The following PYGO1 variants were observed in gnomAD, a reference collection of about 807,000 sequenced individuals.
The protein encoded by PYGO1 is pygopus homolog 1.
In PYGO1, 6 loss-of-function variants were observed where a neutral mutation model predicts 29.5. The observed-to-expected ratio is 0.20, with a 90% confidence interval of 0.11 to 0.40. The LOEUF is 0.40. Ranked by LOEUF, PYGO1 falls within the 10% of genes least tolerant of loss-of-function variation. PYGO1 has a pLI of 1.00. For missense variants in PYGO1, 515 were observed against 514.9 expected, an observed-to-expected ratio of 1.00 and a Z score of 0.00; for synonymous variants, 186 against 180.5, an observed-to-expected ratio of 1.03 and a Z score of -0.24.
chr15:55,562,964 CG>C (rs1567054995), intron 1 of PYGO1, among the ~76,000 whole-genome samples: 1 of 151,610 alleles, frequency 6.6e-6, no homozygotes, highest in African/African-American at 2.4e-5. Context: ...GGACACATTG[CG>C]GGGAACAACA....
At chr15:55,554,123 C>T (rs1449339546) in intron 1 of PYGO1, among the ~76,000 whole-genome samples, 1 of 152,108 alleles carries the variant, frequency 6.6e-6, no homozygotes, top group Non-Finnish European at 1.5e-5. Flanking sequence ...AACAGAGTGC[C>T]TCTTCTCCTC....
intron 1 of PYGO1, among the ~76,000 whole-genome samples, chr15:55,574,223 T>G (rs2058991926): frequency 2.0e-5 from 3 of 152,336 alleles, no homozygotes; most frequent in Admixed American, 2.0e-4. Flanking sequence ...TAGAGATGAT[T>G]AGCACCATGT....
chr15:55,571,941 G>A (rs2058982040), intron 1 of PYGO1, among the ~76,000 whole-genome samples: 2 of 152,034 alleles, frequency 1.3e-5, no homozygotes, highest in African/African-American at 4.8e-5. Context: ...GCCACAACAG[G>A]GAATACTATT....
chr15:55,550,845 A>C (rs1356469212), intron 1 of PYGO1, among the ~76,000 whole-genome samples: 1 of 152,136 alleles, frequency 6.6e-6, no homozygotes, highest in Non-Finnish European at 1.5e-5. Context: ...CTTATTTCCT[A>C]TAAATTGATA....
chr15:55,576,021 G>C (rs1290027263), intron 1 of PYGO1, among the ~76,000 whole-genome samples: 2 of 152,092 alleles, frequency 1.3e-5, no homozygotes, highest in East Asian at 1.9e-4. Flanking sequence ...ATCTCTGTTA[G>C]CAATACTTTA....
At chr15:55,562,420 C>CCACTTTGCTCCCAAATGCT (rs2058936736) in intron 1 of PYGO1, among the ~76,000 whole-genome samples, 1 of 152,106 alleles carries the variant, frequency 6.6e-6, no homozygotes, top group Admixed American at 6.6e-5. Flanking sequence ...GCCTGTAATC[C>CCACTTTGCTCCCAAATGCT]CAGCACTTTG....
chr15:55,578,259 G>A (rs761125216), intron 1 of PYGO1, among the ~76,000 whole-genome samples: 3 of 151,534 alleles, frequency 2.0e-5, no homozygotes, highest in African/African-American at 7.3e-5. Context: ...TGGACATTTC[G>A]GTTATTTCCA....
intron 1 of PYGO1, among the ~76,000 whole-genome samples, chr15:55,553,163 C>T (rs751502249): frequency 7.9e-5 from 12 of 152,062 alleles, no homozygotes; most frequent in Non-Finnish European, 1.8e-4. Flanking sequence ...GACCCTGATC[C>T]ATCACTTCTC....
At chr15:55,558,382 G>A (rs2058916803) in intron 1 of PYGO1, among the ~76,000 whole-genome samples, 2 of 151,890 alleles carry the variant, frequency 1.3e-5, no homozygotes, top group South Asian at 4.2e-4. Flanking sequence ...CCATGCTCAT[G>A]GATAGGAAGA....
At chr15:55,555,955 A>G (rs1336209626) in intron 1 of PYGO1, among the ~76,000 whole-genome samples, 1 of 152,194 alleles carries the variant, frequency 6.6e-6, no homozygotes. Flanking sequence ...AGAATAGCTA[A>G]CTATCCTAAA....
At chr15:55,560,606 A>G (rs1391400888) in intron 1 of PYGO1, among the ~76,000 whole-genome samples, 2 of 152,234 alleles carry the variant, frequency 1.3e-5, no homozygotes, top group African/African-American at 4.8e-5. Context: ...CATACTGCCC[A>G]AAGTAATTTA....
In PYGO1 at chr15:55,545,920, TTTG is replaced by T; in HGVS notation, c.*100_*102del. 1 of 1,269,730 alleles carries T rather than the reference TTTG, an allele frequency of 7.9e-7. No homozygotes were observed. Among genetic ancestry groups the T allele is most frequent in the Non-Finnish European group, 1.1e-6 (1 of 925,032 alleles). 78.7% of individuals were successfully genotyped at this position (1,269,730 alleles called of 1,614,324 possible). On this transcript the variant is annotated 3_prime_UTR_variant, in exon 3 of 3. Transcript: ENST00000563719. Reference sequence around the variant, plus strand: ...TAATAAAAACTAAGTAAATAATGTTTTTGTGTATGCATTTAAAAAAATAATGTA... The same window carrying T: ...TAATAAAAACTAAGTAAATAATGTTTTGTATGCATTTAAAAAAATAATGTA...
chr15:55,559,056 A>C (rs1362963635), intron 1 of PYGO1, among the ~76,000 whole-genome samples: 1 of 152,178 alleles, frequency 6.6e-6, no homozygotes, highest in Admixed American at 6.5e-5. Flanking sequence ...CAACCTACAG[A>C]ATGGGAGAAA....
intron 1 of PYGO1, among the ~76,000 whole-genome samples, chr15:55,565,708 C>T (rs950432743): frequency 2.6e-5 from 4 of 151,870 alleles, no homozygotes; most frequent in South Asian, 2.1e-4. Flanking sequence ...AGTGAGACTC[C>T]GTCTCCCCCA....
In PYGO1 at chr15:55,543,986, T is replaced by C. The variant is rs1285405535; in HGVS notation, c.*2037A>G. On this transcript the variant is annotated 3_prime_UTR_variant, in exon 3 of 3. Coordinates refer to ENST00000563719, the MANE Select transcript of PYGO1 (RefSeq NM_001367806.1). ...CCATCAAATGCCTGTCAGCCCAAAA[T>C]ACTGCATTTTAACCTGCTTCAACTG... is the stretch of plus-strand genomic sequence containing the variant. 2.0e-5 allele frequency: 3 copies of C among 152,186 alleles called. No individual in the cohort carries two copies. Among genetic ancestry groups the C allele is most frequent in the Non-Finnish European group, 4.4e-5 (3 of 68,018 alleles). The allele number at this position is 152,186 out of a possible 1,614,324, so 9.4% of individuals were successfully genotyped here. A position where few individuals can be genotyped will look rare whatever the true frequency, so the allele number is the denominator to read the frequency against.
intron 1 of PYGO1, among the ~76,000 whole-genome samples, chr15:55,572,474 C>T (rs1402951085): frequency 1.3e-5 from 2 of 152,162 alleles, no homozygotes; most frequent in South Asian, 2.1e-4. Context: ...GAGGAAAAAA[C>T]TTCCTTGACA....
intron 1 of PYGO1, among the ~76,000 whole-genome samples, chr15:55,562,681 A>G (rs996108540): frequency 2.6e-5 from 4 of 152,094 alleles, no homozygotes; most frequent in Admixed American, 1.3e-4. Context: ...AAAAAAAAAA[A>G]AGAAAAATCC....
intron 1 of PYGO1, among the ~76,000 whole-genome samples, chr15:55,578,434 A>C (rs1365402143): frequency 6.6e-6 from 1 of 152,096 alleles, no homozygotes; most frequent in East Asian, 1.9e-4. Flanking sequence ...GAAACTGCCA[A>C]ACTGTTTTCC....
chr15:55,552,500 T>C (rs774693539), intron 1 of PYGO1, among the ~76,000 whole-genome samples: 6 of 151,780 alleles, frequency 4.0e-5, no homozygotes, highest in African/African-American at 9.7e-5. Flanking sequence ...AGTGAACAAC[T>C]TGACCCACAG....
Sources: gnomAD v4.1 joint callset for allele counts (sites outside exome capture counted in the v4.1 genomes callset) on GRCh38, gnomAD v4.1.1 for gene constraint, MANE v1.5 for transcripts, NCBI Gene and HGNC (gene_info 2026-07-23, HGNC 2026-07-21) for gene names.